Variants in MAGOHB observed in about 807,000 individuals in gnomAD.
The protein encoded by MAGOHB is protein mago nashi homolog 2.
In MAGOHB, 15 loss-of-function variants were observed where a neutral mutation model predicts 20.9. That is an observed-to-expected ratio of 0.72 (90% CI 0.48 to 1.11). The LOEUF (loss-of-function observed/expected upper bound fraction) is 1.11, where lower values mean the gene tolerates loss of function less well. Ranked by LOEUF, MAGOHB falls within the 50% of genes least tolerant of loss-of-function variation. The pLI, the probability that MAGOHB is intolerant of heterozygous loss-of-function variation, is 0.00. For missense variants in MAGOHB, 162 were observed against 177.6 expected, an observed-to-expected ratio of 0.91 and a Z score of 0.50; for synonymous variants, 50 against 57.9, an observed-to-expected ratio of 0.86 and a Z score of 0.62.
intron 1 of MAGOHB, chr12:10,613,098 C>A: frequency 1.8e-6 from 1 of 549,756 alleles, no homozygotes; most frequent in Admixed American, 3.5e-5. Context: ...GTACTGGTCA[C>A]CACAAGATTT....
chr12:10,611,229 G>A (rs139217022), intron 1 of MAGOHB, among the ~76,000 whole-genome samples: 277 of 152,178 alleles, frequency 1.8e-3, no homozygotes, highest in African/African-American at 6.1e-3. Context: ...TCCTTCAAAT[G>A]TATGCATGCA....
chr12:10,602,880 C>T (rs1047940108), downstream of MAGOHB, among the ~76,000 whole-genome samples: 6 of 152,276 alleles, frequency 3.9e-5, no homozygotes, highest in South Asian at 1.2e-3. Flanking sequence ...CACTGCTCTT[C>T]CTGCCCCAGA....
In MAGOHB at chr12:10,609,936, A is replaced by G. The variant is rs1865693882; in HGVS notation, c.159T>C (p.Tyr53=). The change falls in exon 3 of 5, where the codon TAT becomes TAC. Residue 53 remains tyrosine, a synonymous_variant. Coordinates refer to ENST00000320756, the MANE Select transcript of MAGOHB (RefSeq NM_018048.5). Reference sequence around the variant, plus strand: ...GTTCTTCCATTACACTCTTGTGCACATAAGCCTAAAAATTAATCATAATAA... The same window carrying G: ...GTTCTTCCATTACACTCTTGTGCACGTAAGCCTAAAAATTAATCATAATAA... The part of the protein sequence containing the change: ...KNDVMIRKEA[Y]VHKSVMEELK... 6.3e-7 allele frequency: 1 copy of G among 1,576,226 alleles called. No individual in the cohort carries two copies. The highest frequency in any genetic ancestry group is 8.7e-7 in the Non-Finnish European group (1 of 1,154,960).
intron 1 of MAGOHB, chr12:10,612,512 GCT>G (rs967478911): frequency 1.4e-5 from 3 of 219,200 alleles, no homozygotes; most frequent in Admixed American, 6.4e-5. Context: ...TTTTATTCTT[GCT>G]CTCACAGAAC....
At chr12:10,599,695 A>G (rs1335623959), downstream of MAGOHB, 5 of 152,152 alleles carry the variant, frequency 3.3e-5, no homozygotes, top group Admixed American at 6.5e-5. Flanking sequence ...GACCAAAGTG[A>G]TAAGAGGAAA....
At chr12:10,609,810 A>T in intron 3 of MAGOHB, 21 bp downstream of exon 3, 1 of 1,420,454 alleles carries the variant, frequency 7.0e-7, no homozygotes, top group Non-Finnish European at 9.9e-7. Flanking sequence ...TTATACACTT[A>T]AAGAATCACT....
chr12:10,613,578 C>A lies in MAGOHB; in HGVS notation c.-46G>T, dbSNP rs909095364. 7.4e-7 allele frequency: 1 copy of A among 1,344,104 alleles called. No individual in the cohort carries two copies. Among genetic ancestry groups the A allele is most frequent in the Admixed American group, 1.7e-5 (1 of 59,674 alleles). 83.3% of individuals were successfully genotyped at this position (1,344,104 alleles called of 1,614,324 possible). A position where few individuals can be genotyped will look rare whatever the true frequency, so the allele number is the denominator to read the frequency against. ...CCGAAAACGCAGCCAACGTGTCCCC[C>A]GGCGCCTTGCAGTGACGTCATCGCG... On this transcript the variant is annotated 5_prime_UTR_variant, in exon 1 of 5. Transcript: ENST00000320756.
At chr12:10,602,384 T>C (rs1023967476), downstream of MAGOHB, among the ~76,000 whole-genome samples, 1 of 152,148 alleles carries the variant, frequency 6.6e-6, no homozygotes, top group East Asian at 1.9e-4. Flanking sequence ...GAAAGCCAAA[T>C]TTTCTAGCTG....
chr12:10,608,599 T>TAAAAAAAAAA (rs200643667), intron 3 of MAGOHB: 2 of 119,160 alleles, frequency 1.7e-5, no homozygotes, highest in Non-Finnish European at 1.8e-5. Flanking sequence ...TAAGAACTAG[T>TAAAAAAAAAA]AAAAAAAAAA....
chr12:10,608,708 A>G (rs1291038586), intron 3 of MAGOHB: 1 of 152,190 alleles, frequency 6.6e-6, no homozygotes, highest in Non-Finnish European at 1.5e-5. Context: ...CCAATAATTA[A>G]AAAGCTATAT....
chr12:10,604,972 T>C lies in MAGOHB; in HGVS notation c.*1303A>G, dbSNP rs1190277975. Reference sequence around the variant, plus strand: ...ATAGCACTACAAAAAAAGTAGTTTATTGGCACCAATTACACCAGTTAAGTG... The same window carrying C: ...ATAGCACTACAAAAAAAGTAGTTTACTGGCACCAATTACACCAGTTAAGTG... On this transcript the variant is annotated 3_prime_UTR_variant, in exon 5 of 5. Transcript: ENST00000320756. 9 of 152,204 alleles carry C rather than the reference T, an allele frequency of 5.9e-5. No homozygotes were observed. The highest frequency in any genetic ancestry group is 2.1e-4 in the South Asian group (1 of 4,826). 9.4% of individuals were successfully genotyped at this position (152,204 alleles called of 1,614,324 possible).
rs1485162983 is a variant in MAGOHB, at chr12:10,604,885, G to C, written c.*1390C>G. 1 of 152,096 alleles carries C rather than the reference G, an allele frequency of 6.6e-6. No individual in the cohort carries two copies. The highest frequency in any genetic ancestry group is 1.5e-5 in the Non-Finnish European group (1 of 68,036). 9.4% of individuals were successfully genotyped at this position (152,096 alleles called of 1,614,324 possible). ...AAACAGGTTACCAAGCCATGCTCTA[G>C]AGCTATACTGTCCAAACGGTAGCCG... On this transcript the variant is annotated 3_prime_UTR_variant, in exon 5 of 5. Transcript: ENST00000320756.
intron 4 of MAGOHB, among the ~76,000 whole-genome samples, chr12:10,607,028 C>T (rs370232338): frequency 6.6e-6 from 1 of 152,010 alleles, no homozygotes; most frequent in African/African-American, 2.4e-5. Context: ...ATTTATAATC[C>T]CAGTAGGGTA....
downstream of MAGOHB, among the ~76,000 whole-genome samples, chr12:10,600,254 A>C (rs1865541884): frequency 1.3e-5 from 2 of 151,866 alleles, no homozygotes; most frequent in Admixed American, 6.6e-5. Flanking sequence ...TATGTATTCC[A>C]TTATTTCAAA....
At chr12:10,600,798 A>C (rs1171731713), downstream of MAGOHB, among the ~76,000 whole-genome samples, 2 of 152,162 alleles carry the variant, frequency 1.3e-5, no homozygotes, top group African/African-American at 4.8e-5. Context: ...AGTTCTAGGA[A>C]ACCAACTTAA....
chr12:10,613,040 T>C (rs1407124141), intron 1 of MAGOHB: 2 of 939,922 alleles, frequency 2.1e-6, no homozygotes, highest in Non-Finnish European at 2.9e-6. Context: ...TGTTAACACG[T>C]TGGGCTCCTC....
Position 10,609,841 on chromosome 12 carries a change from A to G in MAGOHB, c.254T>C (p.Val85Ala), listed in dbSNP as rs1377697742. 4 of 1,605,246 alleles carry G rather than the reference A, an allele frequency of 2.5e-6. No homozygotes were observed. Among genetic ancestry groups the G allele is most frequent in the Admixed American group, 3.3e-5 (2 of 59,744 alleles). Residue 85 changes from valine to alanine, a missense_variant, in exon 3 of 5, where the codon GTT (valine) becomes GCT (alanine). Transcript: ENST00000320756. ...TCACTAAATACAAACCTGTCGGCCA[A>G]CCCTATCAGGGGGAGGCCACAAAGC... The part of the protein sequence containing the change: ...DDALWPPPDR[V>A]GRQELEIVIG...
chr12:10,612,935 T>C, intron 1 of MAGOHB: 1 of 1,289,194 alleles, frequency 7.8e-7, no homozygotes, highest in South Asian at 1.2e-5. Context: ...CTCCCTCCTG[T>C]GGAACTTTAC....
chr12:10,609,779 A>G (rs2120524961), intron 3 of MAGOHB, 52 bp downstream of exon 3: 1 of 1,122,638 alleles, frequency 8.9e-7, no homozygotes, highest in East Asian at 2.6e-5. Flanking sequence ...GAAACAAAAT[A>G]GTATTATCAA....
Sources: allele counts gnomAD v4.1 joint callset (sites outside exome capture counted in the v4.1 genomes callset), GRCh38; gene constraint gnomAD v4.1.1; transcripts MANE v1.5; gene names NCBI Gene and HGNC (gene_info 2026-07-23, HGNC 2026-07-21).